The following ABRAXAS2 variants were observed in gnomAD, a reference collection of about 807,000 sequenced individuals.
ABRAXAS2 encodes the protein BRISC complex subunit Abraxas 2.
Under a neutral mutation model 49.0 loss-of-function variants are expected in ABRAXAS2, and 23 were observed. That is an observed-to-expected ratio of 0.47 (90% CI 0.34 to 0.66). The LOEUF is 0.66. Among genes scored for constraint, ABRAXAS2 ranks in the 30% least tolerant of loss-of-function variants. ABRAXAS2 has a pLI of 0.01. For missense variants in ABRAXAS2, 443 were observed against 511.9 expected (o/e 0.87, Z 1.30); for synonymous variants, 168 against 180.2 (o/e 0.93, Z 0.54).
chr10:124,821,965 C>G (rs1188026487), intron 4 of ABRAXAS2, among the ~76,000 whole-genome samples: 1 of 152,168 alleles, frequency 6.6e-6, no homozygotes, highest in South Asian at 2.1e-4. Flanking sequence ...AATCCTTGCA[C>G]CAGACCCGTG....
chr10:124,804,211 C>A (rs1351000993), intron 1 of ABRAXAS2, among the ~76,000 whole-genome samples: 2 of 152,184 alleles, frequency 1.3e-5, no homozygotes, highest in Non-Finnish European at 2.9e-5. Context: ...CCTAGAATTT[C>A]TTGATGTCAC....
chr10:124,816,669 T>C, intron 3 of ABRAXAS2, 57 bp downstream of exon 3: 1 of 1,327,860 alleles, frequency 7.5e-7, no homozygotes, highest in Non-Finnish European at 1.1e-6. Flanking sequence ...TAAAAAAAAC[T>C]AGTGAATTTT....
intron 2 of ABRAXAS2, among the ~76,000 whole-genome samples, chr10:124,811,769 A>ATTTTG (rs964619900): frequency 2.7e-5 from 4 of 149,928 alleles, no homozygotes; most frequent in South Asian, 2.1e-4. Flanking sequence ...AACATAATTA[A>ATTTTG]TTTTGTTTTG....
At position 124,826,789 on chromosome 10, in the gene ABRAXAS2, A is replaced by G. The variant is rs774340541; in HGVS notation, c.458+4A>G. On this transcript the variant is annotated splice_donor_region_variant and intron_variant, in intron 5 of 8. Transcript: ENST00000298492. ...TGCTCTTCAGACCAAATAGAAGGTA[A>G]AGCTTGCTTTTCCATCTGCCTCACA... 2.5e-6 allele frequency: 4 copies of G among 1,613,244 alleles called. No individual in the cohort carries two copies. The highest frequency in any genetic ancestry group is 3.4e-6 in the Non-Finnish European group (4 of 1,179,400).
At position 124,835,477 on chromosome 10, in the gene ABRAXAS2, A is replaced by G. The variant is rs78517732; in HGVS notation, c.*506A>G. ...TTTGATAATTCCAAGAAGCCTGATT[A>G]GAACAAATCAGATATACCTTCTCTT... On this transcript the variant is annotated 3_prime_UTR_variant, in exon 9 of 9. Coordinates refer to ENST00000298492, the MANE Select transcript of ABRAXAS2 (RefSeq NM_032182.4). The G allele has an allele frequency of 0.11, 16,399 of 153,136 alleles. 1,541 individuals carry two copies. Among genetic ancestry groups the G allele is most frequent in the African/African-American group, 0.26 (10,706 of 41,494 alleles). 9.5% of individuals were successfully genotyped at this position (153,136 alleles called of 1,614,324 possible).
At position 124,806,925 on chromosome 10, in the gene ABRAXAS2, A is replaced by T. The variant is rs1017392254; in HGVS notation, c.163+4A>T. 6 of 1,581,234 alleles carry T rather than the reference A, an allele frequency of 3.8e-6. No individual in the cohort carries two copies. The highest frequency in any genetic ancestry group is 1.7e-5 in the Admixed American group (1 of 59,128). On this transcript the variant is annotated splice_donor_region_variant and intron_variant, in intron 2 of 8. Transcript: ENST00000298492. Reference sequence around the variant, plus strand: ...ACAGAATTTCTGCAAGTAATTGGTAAGTAAATTTCTCAATGACCTTAGAAA... The same window carrying T: ...ACAGAATTTCTGCAAGTAATTGGTATGTAAATTTCTCAATGACCTTAGAAA...
intron 2 of ABRAXAS2, among the ~76,000 whole-genome samples, chr10:124,813,340 G>A (rs2134161946): frequency 6.6e-6 from 1 of 152,308 alleles, no homozygotes; most frequent in Non-Finnish European, 1.5e-5. Context: ...CAGGGAGAAG[G>A]CAGCAACAGA....
intron 4 of ABRAXAS2, among the ~76,000 whole-genome samples, chr10:124,825,893 T>C (rs1352406251): frequency 6.6e-6 from 1 of 152,124 alleles, no homozygotes; most frequent in Non-Finnish European, 1.5e-5. Flanking sequence ...AATCTGCACT[T>C]TAGGGATGGG....
chr10:124,818,986 A>G (rs1022713239), intron 3 of ABRAXAS2, among the ~76,000 whole-genome samples: 6 of 152,206 alleles, frequency 3.9e-5, no homozygotes, highest in East Asian at 1.9e-4. Flanking sequence ...AGGCAGCCCA[A>G]TGTCTTCTTC....
intron 8 of ABRAXAS2, among the ~76,000 whole-genome samples, chr10:124,831,838 CTGTCTT>C (rs1950934544): frequency 7.9e-6 from 1 of 126,904 alleles, no homozygotes; most frequent in Non-Finnish European, 1.6e-5. Context: ...GCACTGTGTC[CTGTCTT>C]TTTTTTTTTT....
In ABRAXAS2 at chr10:124,835,058, T is replaced by C. The variant is rs1450318745; in HGVS notation, c.*87T>C. The stretch of plus-strand genomic sequence containing the variant: ...TGAGAACTTAATCTGGGGGGAGAAC[T>C]GCTTTCTCAGATACCTTAACTCCCG... On this transcript the variant is annotated 3_prime_UTR_variant, in exon 9 of 9. Coordinates refer to ENST00000298492, the MANE Select transcript of ABRAXAS2 (RefSeq NM_032182.4). The C allele has an allele frequency of 9.7e-7, 1 of 1,030,482 alleles. No homozygotes were observed. Among genetic ancestry groups the C allele is most frequent in the Non-Finnish European group, 1.4e-6 (1 of 711,658 alleles). The allele number at this position is 1,030,482 out of a possible 1,614,324, so 63.8% of individuals were successfully genotyped here. A position where few individuals can be genotyped will look rare whatever the true frequency, so the allele number is the denominator to read the frequency against.
chr10:124,824,160 C>T (rs1278760800), intron 4 of ABRAXAS2, among the ~76,000 whole-genome samples: 1 of 152,168 alleles, frequency 6.6e-6, no homozygotes, highest in African/African-American at 2.4e-5. Context: ...CCTTGGCCTC[C>T]CAAAGTGCTT....
chr10:124,819,436 A>G lies in ABRAXAS2; in HGVS notation c.253A>G (p.Lys85Glu), dbSNP rs1589806665. 6.2e-7 allele frequency: 1 copy of G among 1,614,118 alleles called. No individual in the cohort carries two copies. Among genetic ancestry groups the G allele is most frequent in the Non-Finnish European group, 8.5e-7 (1 of 1,179,976 alleles). ...TGAGGAGAGTTTGGACAGGATTCTT[A>G]AAGATCGGAGAAAGGTATGTTCTGT... is the stretch of plus-strand genomic sequence containing the variant. ...VNEESLDRILKDRRKKVIGWY... is the reference protein window; with the variant it reads ...VNEESLDRILEDRRKKVIGWY... Residue 85 changes from lysine to glutamate, a missense_variant, in exon 4 of 9, where the codon AAA becomes GAA. Physicochemically the swap from Lys to Glu is moderately conservative, Grantham distance 56. Coordinates refer to ENST00000298492, the MANE Select transcript of ABRAXAS2 (RefSeq NM_032182.4).
intron 3 of ABRAXAS2, among the ~76,000 whole-genome samples, chr10:124,818,437 G>A (rs1233959046): frequency 6.6e-6 from 1 of 151,268 alleles, no homozygotes; most frequent in East Asian, 1.9e-4. Context: ...AGTTATTAGA[G>A]CCAAAAGAAA....
Position 124,835,262 on chromosome 10 carries a change from T to C in ABRAXAS2, c.*291T>C, listed in dbSNP as rs1158038758. 1 of 248,638 alleles carries C rather than the reference T, an allele frequency of 4.0e-6. No homozygotes were observed. The highest frequency in any genetic ancestry group is 2.2e-5 in the African/African-American group (1 of 44,628). The allele number at this position is 248,638 out of a possible 1,614,324, so 15.4% of individuals were successfully genotyped here. On this transcript the variant is annotated 3_prime_UTR_variant, in exon 9 of 9. Coordinates refer to ENST00000298492, the MANE Select transcript of ABRAXAS2 (RefSeq NM_032182.4). ...AAGTGAAACTTATCAGCGTAGTTTC[T>C]GTTCTTTAAAATAAATTGGAAATTA...
chr10:124,812,289 AC>A (rs899866715), intron 2 of ABRAXAS2, among the ~76,000 whole-genome samples: 1 of 152,112 alleles, frequency 6.6e-6, no homozygotes, highest in Admixed American at 6.6e-5. Flanking sequence ...ACGATTATGG[AC>A]CTCATGGACA....
chr10:124,808,342 A>AT (rs1233331524), intron 2 of ABRAXAS2, among the ~76,000 whole-genome samples: 1 of 151,798 alleles, frequency 6.6e-6, no homozygotes, highest in Admixed American at 6.6e-5. Flanking sequence ...CGCCCGGCTA[A>AT]TTTTTTTGTA....
intron 2 of ABRAXAS2, among the ~76,000 whole-genome samples, chr10:124,813,314 T>C (rs1950802838): frequency 6.6e-6 from 1 of 152,210 alleles, no homozygotes; most frequent in African/African-American, 2.4e-5. Flanking sequence ...CTGTCTACCC[T>C]TAGTTCTAGG....
intron 8 of ABRAXAS2, among the ~76,000 whole-genome samples, chr10:124,833,603 A>G (rs1198707948): frequency 2.0e-5 from 3 of 152,196 alleles, no homozygotes; most frequent in Non-Finnish European, 4.4e-5. Context: ...GTAACACAGC[A>G]AGGAAGTGAG....
Sources: gnomAD v4.1 joint callset for allele counts (sites outside exome capture counted in the v4.1 genomes callset) on GRCh38, gnomAD v4.1.1 for gene constraint, MANE v1.5 for transcripts, NCBI Gene and HGNC (gene_info 2026-07-23, HGNC 2026-07-21) for gene names.